The following ZNF114 variants were observed in gnomAD, a reference collection of about 807,000 sequenced individuals.
The protein encoded by ZNF114 is zinc finger protein 114.
A neutral mutation model predicts 6.8 loss-of-function variants in ZNF114; 8 were observed. The observed-to-expected ratio is 1.18, with a 90% CI of 0.69 to 2.13. ZNF114 has a LOEUF of 2.13. ZNF114 is among the 30% of genes most tolerant of loss of function. The probability of loss-of-function intolerance (pLI) is 0.00; values close to 1 mark genes in which losing one functional copy is unlikely to be tolerated. For missense variants in ZNF114, 472 were observed against 519.5 expected (o/e 0.91, Z 0.89); for synonymous variants, 169 against 185.5 (o/e 0.91, Z 0.72).
chr19:48,286,394 C>G lies in ZNF114; in HGVS notation c.770C>G (p.Ser257Cys). ...GATTTTACTCAGTGCGAGAACACCT[C>G]CAGAAATAACTCAATTCACGCCATG... ...MYDFTQCENT[S>C]RNNSIHAMQM... The change falls in exon 6 of 6, where the codon TCC becomes TGC. Residue 257 changes from serine to cysteine, a missense_variant. Ser to Cys is a moderately radical substitution (Grantham distance 112, BLOSUM62 -1). Coordinates refer to ENST00000595607, the MANE Select transcript of ZNF114 (RefSeq NM_153608.4). The G allele has an allele frequency of 6.2e-7, 1 of 1,614,186 alleles. No homozygotes were observed. Among genetic ancestry groups the G allele is most frequent in the South Asian group, 1.1e-5 (1 of 91,084 alleles).
rs1967616238 is a variant in ZNF114, at chr19:48,270,128, CA to C, written c.-467del. Reference sequence around the variant, plus strand: ...GCCCACTTGCACCCAAGTGAATAAACAGCCTTTGTTGCTTACACAAAGCCTG... The same window carrying C: ...GCCCACTTGCACCCAAGTGAATAAACGCCTTTGTTGCTTACACAAAGCCTG... On this transcript the variant is annotated 5_prime_UTR_variant, in exon 1 of 6. Coordinates refer to ENST00000595607, the MANE Select transcript of ZNF114 (RefSeq NM_153608.4). 6.5e-6 allele frequency: 1 copy of C among 153,030 alleles called. No individual in the cohort carries two copies. The highest frequency in any genetic ancestry group is 2.1e-4 in the South Asian group (1 of 4,870). 9.5% of individuals were successfully genotyped at this position (153,030 alleles called of 1,614,324 possible). A position where few individuals can be genotyped will look rare whatever the true frequency, so the allele number is the denominator to read the frequency against.
intron 3 of ZNF114, among the ~76,000 whole-genome samples, chr19:48,272,673 CAAAAAA>C (rs57823987): frequency 5.4e-4 from 21 of 39,228 alleles, no homozygotes; most frequent in Middle Eastern, 0.036. Context: ...GACTCTCTCT[CAAAAAA>C]AAAAAAAAAA....
rs1279746058 is a variant in ZNF114, at chr19:48,287,188, C to T, written c.*310C>T. 2.7e-5 allele frequency: 5 copies of T among 184,444 alleles called. No homozygotes were observed. Among genetic ancestry groups the T allele is most frequent in the Admixed American group, 1.7e-4 (3 of 17,372 alleles). 11.4% of individuals were successfully genotyped at this position (184,444 alleles called of 1,614,324 possible). ...GAACTCACACTGCAGAGACTCCTTA[C>T]GGAAATAAAAAATGTAGGAAAGACC... On this transcript the variant is annotated 3_prime_UTR_variant, in exon 6 of 6. Coordinates refer to ENST00000595607, the MANE Select transcript of ZNF114 (RefSeq NM_153608.4).
At chr19:48,284,504 C>T (rs1170455369) in intron 5 of ZNF114, among the ~76,000 whole-genome samples, 2 of 152,180 alleles carry the variant, frequency 1.3e-5, no homozygotes, top group African/African-American at 4.8e-5. Context: ...AGTCTCAGCT[C>T]ACTGCAATCT....
In ZNF114 at chr19:48,286,660, C is replaced by T. The variant is rs779087737; in HGVS notation, c.1036C>T (p.His346Tyr). 1 of 1,613,036 alleles carries T rather than the reference C, an allele frequency of 6.2e-7. No individual in the cohort carries two copies. Among genetic ancestry groups the T allele is most frequent in the South Asian group, 1.1e-5 (1 of 90,784 alleles). ...TGGGAAAGCCTTTAGATATTCCTTA[C>T]ACCTTAATAAACATTTAAGAAAGCA... is the stretch of plus-strand genomic sequence containing the variant. ...KCGKAFRYSL[H>Y]LNKHLRKHVV... is the part of the protein sequence containing the mutation. The change falls in exon 6 of 6, where the codon CAC (histidine) becomes TAC (tyrosine). Residue 346 changes from histidine to tyrosine, a missense_variant. Coordinates refer to ENST00000595607, the MANE Select transcript of ZNF114 (RefSeq NM_153608.4).
chr19:48,279,742 C>T lies in ZNF114; in HGVS notation c.-58C>T. On this transcript the variant is annotated 5_prime_UTR_variant, in exon 4 of 6. Coordinates refer to ENST00000595607, the MANE Select transcript of ZNF114 (RefSeq NM_153608.4). ...ATTCTTCTCCCAAGCTCTGCCTCAC[C>T]TGCCTCCTTGAAGGAAACACGGGGA... 1 of 1,613,266 alleles carries T rather than the reference C, an allele frequency of 6.2e-7. No homozygotes were observed. The highest frequency in any genetic ancestry group is 8.5e-7 in the Non-Finnish European group (1 of 1,179,488).
chr19:48,277,139 C>T (rs921844161), intron 3 of ZNF114, among the ~76,000 whole-genome samples: 4 of 150,744 alleles, frequency 2.7e-5, no homozygotes, highest in Admixed American at 1.3e-4. Context: ...CCGGCCTGGG[C>T]GACAGAATGA....
In ZNF114 at chr19:48,286,998, C is replaced by A; in HGVS notation, c.*120C>A. 6.4e-6 allele frequency: 7 copies of A among 1,094,284 alleles called. No individual in the cohort carries two copies. Among genetic ancestry groups the A allele is most frequent in the Non-Finnish European group, 8.7e-6 (7 of 806,836 alleles). 67.8% of individuals were successfully genotyped at this position (1,094,284 alleles called of 1,614,324 possible). A position where few individuals can be genotyped will look rare whatever the true frequency, so the allele number is the denominator to read the frequency against. ...GAACATCTTCCCTGAACTCTCGTAT[C>A]TTACAGAAATGTGAAAAAAAACCCT... On this transcript the variant is annotated 3_prime_UTR_variant, in exon 6 of 6. Transcript: ENST00000595607.
In ZNF114 at chr19:48,286,989, C is replaced by T. The variant is rs1968150448; in HGVS notation, c.*111C>T. ...CATGAGTGAGAACATCTTCCCTGAA[C>T]TCTCGTATCTTACAGAAATGTGAAA... On this transcript the variant is annotated 3_prime_UTR_variant, in exon 6 of 6. Transcript: ENST00000595607. The T allele has an allele frequency of 3.5e-6, 4 of 1,146,150 alleles. No homozygotes were observed. The highest frequency in any genetic ancestry group is 1.6e-5 in the African/African-American group (1 of 63,294). 71.0% of individuals were successfully genotyped at this position (1,146,150 alleles called of 1,614,324 possible). A position where few individuals can be genotyped will look rare whatever the true frequency, so the allele number is the denominator to read the frequency against.
rs1287980992 is a variant in ZNF114 at position 48,286,709 on chromosome 19, A to C, written c.1085A>C (p.Glu362Ala). The C allele has an allele frequency of 1.9e-6, 3 of 1,613,586 alleles. No homozygotes were observed. The highest frequency in any genetic ancestry group is 2.5e-6 in the Non-Finnish European group (3 of 1,179,944). ...CATGTTGTGCAGAAGAAGCCCTACG[A>C]ATGTGAAGAATGTGGGAAAGTCATT... ...RKHVVQKKPY[E>A]CEECGKVIRE... Residue 362 changes from glutamate to alanine, a missense_variant, in exon 6 of 6, where the codon GAA (glutamate) becomes GCA (alanine). Glu to Ala is a moderately radical substitution (Grantham distance 107, BLOSUM62 -1). Transcript: ENST00000595607.
At chr19:48,283,938 T>C (rs902912777) in intron 5 of ZNF114, among the ~76,000 whole-genome samples, 2 of 152,118 alleles carry the variant, frequency 1.3e-5, no homozygotes, top group African/African-American at 2.4e-5. Context: ...TTCACTGTGT[T>C]GGCCAGGCTT....
At chr19:48,273,755 T>C (rs1391742276) in intron 3 of ZNF114, among the ~76,000 whole-genome samples, 1 of 132,088 alleles carries the variant, frequency 7.6e-6, no homozygotes, top group Non-Finnish European at 1.6e-5. Flanking sequence ...AGTGGGGCTT[T>C]TCTTTTTTTT....
At position 48,285,198 on chromosome 19, in the gene ZNF114, G is replaced by C. The variant is rs541795089; in HGVS notation, c.137-563G>C. On this transcript the variant is annotated intron_variant, in intron 5 of 5. Coordinates refer to ENST00000595607, the MANE Select transcript of ZNF114 (RefSeq NM_153608.4). Reference sequence around the variant, plus strand: ...ATCATACATGTTGAGTGAACATTTAGAAAGAAATCCACACAGAGGCCTGGC... The same window carrying C: ...ATCATACATGTTGAGTGAACATTTACAAAGAAATCCACACAGAGGCCTGGC... Among the ~76,000 whole-genome samples, 64 of 152,216 alleles carry C rather than the reference G, an allele frequency of 4.2e-4. No individual in the cohort carries two copies. In the Middle Eastern group the frequency reaches 0.01, roughly 24 times the overall value.
chr19:48,274,020 G>A (rs976647731), intron 3 of ZNF114, among the ~76,000 whole-genome samples: 1 of 151,296 alleles, frequency 6.6e-6, no homozygotes, highest in Non-Finnish European at 1.5e-5. Context: ...GCCTCCCAAG[G>A]TGCTGGGATT....
chr19:48,271,533 T>C (rs997920409), intron 2 of ZNF114, 84 bp downstream of exon 2: 2 of 16,964 alleles, frequency 1.2e-4, no homozygotes, highest in Admixed American at 5.8e-4. Flanking sequence ...GGGCGGGGGG[T>C]GGGACGGGGG....
At chr19:48,278,342 A>G (rs756744881) in intron 3 of ZNF114, among the ~76,000 whole-genome samples, 10 of 152,140 alleles carry the variant, frequency 6.6e-5, no homozygotes, top group Non-Finnish European at 1.2e-4. Flanking sequence ...GAAGCCCTGT[A>G]TCCTTCAGTG....
chr19:48,275,362 T>C (rs1967799825), intron 3 of ZNF114, among the ~76,000 whole-genome samples: 1 of 149,598 alleles, frequency 6.7e-6, no homozygotes, highest in African/African-American at 2.5e-5. Flanking sequence ...GATGATCGCC[T>C]GAGGTCAGGA....
At chr19:48,283,765 C>T (rs751438099) in intron 5 of ZNF114, among the ~76,000 whole-genome samples, 7 of 151,618 alleles carry the variant, frequency 4.6e-5, no homozygotes, top group Non-Finnish European at 1.0e-4. Context: ...CTGTGTTTCA[C>T]TCTTGTTGCC....
At chr19:48,273,927 T>G (rs1055124767) in intron 3 of ZNF114, among the ~76,000 whole-genome samples, 1 of 151,704 alleles carries the variant, frequency 6.6e-6, no homozygotes, top group Non-Finnish European at 1.5e-5. Flanking sequence ...CCGGCTAATT[T>G]TTTGTATTTT....
Sources: allele counts gnomAD v4.1 joint callset (sites outside exome capture counted in the v4.1 genomes callset), GRCh38; gene constraint gnomAD v4.1.1; transcripts MANE v1.5; gene names NCBI Gene and HGNC (gene_info 2026-07-23, HGNC 2026-07-21).